RAB3GAP2: variants seen among roughly 807,000 people sequenced by gnomAD.
The protein encoded by RAB3GAP2 is rab3 GTPase-activating protein non-catalytic subunit.
RAB3GAP2 carries 87 observed loss-of-function variants against 185.3 expected under a neutral mutation model. The observed-to-expected ratio is 0.47, with a 90% CI of 0.39 to 0.56. The LOEUF is 0.56. Ranked by LOEUF, RAB3GAP2 falls within the 20% of genes least tolerant of loss-of-function variation. The pLI, the probability that RAB3GAP2 is intolerant of heterozygous loss-of-function variation, is 0.00. For synonymous variants in RAB3GAP2, 554 were observed against 576.1 expected (o/e 0.96, Z 0.55); for missense variants, 1,492 against 1,638.2 (o/e 0.91, Z 1.54).
At chr1:220,165,797 T>C (rs534246669) in intron 26 of RAB3GAP2, among the ~76,000 whole-genome samples, 3 of 152,336 alleles carry the variant, frequency 2.0e-5, no homozygotes, top group African/African-American at 4.8e-5. Context: ...GCCCTCATTT[T>C]AGGAGAACAT....
intron 17 of RAB3GAP2, among the ~76,000 whole-genome samples, chr1:220,187,284 G>A (rs1011804845): frequency 3.9e-5 from 6 of 152,188 alleles, no homozygotes; most frequent in Non-Finnish European, 7.3e-5. Flanking sequence ...TAGTTCATCA[G>A]TCAGAGCTCT....
chr1:220,245,728 C>G (rs1317492022), intron 1 of RAB3GAP2, among the ~76,000 whole-genome samples: 5 of 152,070 alleles, frequency 3.3e-5, no homozygotes, highest in Non-Finnish European at 5.9e-5. Flanking sequence ...CACAGACAAA[C>G]AAAAAGACAG....
intron 7 of RAB3GAP2, chr1:220,208,068 CAA>C (rs1333813214): frequency 6.6e-6 from 1 of 152,104 alleles, no homozygotes; most frequent in Non-Finnish European, 1.5e-5. Flanking sequence ...AGAGTAACAA[CAA>C]AGACTTCCTT....
intron 1 of RAB3GAP2, among the ~76,000 whole-genome samples, chr1:220,265,237 T>G (rs926026909): frequency 2.6e-5 from 4 of 152,150 alleles, no homozygotes; most frequent in African/African-American, 9.6e-5. Context: ...AGTGATTCTA[T>G]GATTTTAGGT....
In RAB3GAP2 at chr1:220,169,108, C is replaced by A. The variant is rs189930979; in HGVS notation, c.2807-1433G>T. Among the ~76,000 whole-genome samples the A allele has an allele frequency of 3.3e-5, 5 of 152,248 alleles. No homozygotes were observed. In the East Asian group the frequency reaches 9.7e-4, roughly 29 times the overall value. On this transcript the variant is annotated intron_variant, in intron 24 of 34. Transcript: ENST00000358951. ...GCTTAGGTTAATATTCAAATGGCAT[C>A]CTTACCCTTTCACTAGGTGGCAACA...
chr1:220,230,726 T>C (rs923440452), intron 2 of RAB3GAP2, among the ~76,000 whole-genome samples: 5 of 152,218 alleles, frequency 3.3e-5, no homozygotes, highest in Non-Finnish European at 5.9e-5. Flanking sequence ...CTTCTTATTA[T>C]GGATATTTAA....
Position 220,168,914 on chromosome 1 carries a change from C to T in RAB3GAP2, c.2807-1239G>A, listed in dbSNP as rs528481438. Among the ~76,000 whole-genome samples the T allele has an allele frequency of 2.8e-4, 42 of 152,302 alleles. 2 individuals carry two copies. The South Asian group carries it at 8.5e-3, about 31-fold the overall frequency. On this transcript the variant is annotated intron_variant, in intron 24 of 34. Coordinates refer to ENST00000358951, the MANE Select transcript of RAB3GAP2 (RefSeq NM_012414.4). Reference sequence around the variant, plus strand: ...TACCAAAACTTTCTCAGTCTTTCCTCATCTTTTGATTCAAATAAAAACCTT... The same window carrying T: ...TACCAAAACTTTCTCAGTCTTTCCTTATCTTTTGATTCAAATAAAAACCTT...
At position 220,157,299 on chromosome 1, in the gene RAB3GAP2, C is replaced by T. The variant is rs754940777; in HGVS notation, c.3526G>A (p.Val1176Met). 9.9e-6 allele frequency: 16 copies of T among 1,613,878 alleles called. No homozygotes were observed. The highest frequency in any genetic ancestry group is 4.4e-5 in the South Asian group (4 of 91,064). Residue 1176 changes from valine (V) to methionine (M), a missense_variant, in exon 31 of 35, where the codon GTG becomes ATG. Physicochemically the swap from Val to Met is conservative, Grantham distance 21 (BLOSUM62 1). This residue lies in a region of RAB3GAP2 where 387 missense variants were observed against 455.3 expected (regional missense o/e 0.85). Transcript: ENST00000358951. Reference protein sequence around the residue: ...YAVMRFSLKTVKPLSLFDSKG... With the variant: ...YAVMRFSLKTMKPLSLFDSKG... ...CTGTCAAAAAGTGAAAGTGGCTTCA[C>T]GGTCTTCAGAGAAAACCTCATGACT...
At chr1:220,159,558 A>T in intron 28 of RAB3GAP2, 137 bp from the exon 29 acceptor site, 1 of 657,646 alleles carries the variant, frequency 1.5e-6, no homozygotes, top group Non-Finnish European at 2.7e-6. Context: ...CTCATTAATT[A>T]GCTGTTGGCT....
intron 1 of RAB3GAP2, among the ~76,000 whole-genome samples, chr1:220,258,815 A>G (rs1029471340): frequency 2.0e-5 from 3 of 152,214 alleles, no homozygotes; most frequent in African/African-American, 7.2e-5. Context: ...TGCAGAGGAT[A>G]TGATCCTATA....
At chr1:220,254,052 T>C in intron 1 of RAB3GAP2, 2 of 1,613,984 alleles carry the variant, frequency 1.2e-6, no homozygotes, top group South Asian at 2.2e-5. Context: ...TAAAGATTCC[T>C]GAATAGCTAA....
chr1:220,214,978 T>C, intron 2 of RAB3GAP2, among the ~76,000 whole-genome samples: 1 of 48,340 alleles, frequency 2.1e-5, no homozygotes, highest in Non-Finnish European at 4.2e-5. Flanking sequence ...ATATATATAC[T>C]TCTATACTTT....
intron 1 of RAB3GAP2, among the ~76,000 whole-genome samples, chr1:220,249,356 G>T (rs535786665): frequency 6.6e-6 from 1 of 152,218 alleles, no homozygotes; most frequent in Non-Finnish European, 1.5e-5. Flanking sequence ...GGGAACTGGA[G>T]AAAAGGTCAC....
intron 18 of RAB3GAP2, among the ~76,000 whole-genome samples, chr1:220,185,068 C>A (rs180833813): frequency 9.9e-5 from 15 of 152,214 alleles, no homozygotes; most frequent in African/African-American, 3.6e-4. Flanking sequence ...TAGATGACAT[C>A]AGTCCACTGC....
chr1:220,252,647 C>T (rs1239825723), intron 1 of RAB3GAP2, among the ~76,000 whole-genome samples: 2 of 152,226 alleles, frequency 1.3e-5, no homozygotes, highest in African/African-American at 4.8e-5. Flanking sequence ...AGTAATTGTG[C>T]TACCCTACCT....
At chr1:220,175,472 C>T (rs1027984717) in intron 21 of RAB3GAP2, among the ~76,000 whole-genome samples, 2 of 152,142 alleles carry the variant, frequency 1.3e-5, no homozygotes, top group Non-Finnish European at 2.9e-5. Flanking sequence ...CCGCCTTGGC[C>T]TCCCAAAGTG....
chr1:220,216,553 C>T (rs1221567963), intron 2 of RAB3GAP2, among the ~76,000 whole-genome samples: 2 of 152,130 alleles, frequency 1.3e-5, no homozygotes, highest in Non-Finnish European at 2.9e-5. Flanking sequence ...GGCACAGGAC[C>T]TTCTAAGTGA....
In RAB3GAP2 at chr1:220,182,744, A is replaced by C. The variant is rs779591638; in HGVS notation, c.2186T>G (p.Ile729Arg). ...YEKDVLNIKKISEEEYVALGS... is the reference protein window; with the variant it reads ...YEKDVLNIKKRSEEEYVALGS... ...TAAAGCCACATATTCCTCTTCACTTATTTTCTTTATGTTGAGCACATCCTT... is the reference window on the plus strand; with the variant it reads ...TAAAGCCACATATTCCTCTTCACTTCTTTTCTTTATGTTGAGCACATCCTT... The change falls in exon 20 of 35, where the codon ATA (isoleucine) becomes AGA (arginine). Residue 729 changes from isoleucine (I) to arginine (R), a missense_variant. Transcript: ENST00000358951. 3.1e-6 allele frequency: 5 copies of C among 1,606,406 alleles called. No homozygotes were observed. Among genetic ancestry groups the C allele is most frequent in the Non-Finnish European group, 4.2e-6 (5 of 1,177,736 alleles).
intron 1 of RAB3GAP2, among the ~76,000 whole-genome samples, chr1:220,263,599 T>C (rs750089732): frequency 6.6e-5 from 10 of 152,094 alleles, no homozygotes; most frequent in East Asian, 1.9e-4. Context: ...ATCTTGACCA[T>C]GTATGTGAGG....
Sources: gnomAD v4.1 joint callset for allele counts (sites outside exome capture counted in the v4.1 genomes callset) on GRCh38, gnomAD v4.1.1 for gene constraint, gnomAD v4.1.1 regional missense constraint, MANE v1.5 for transcripts, NCBI Gene and HGNC (gene_info 2026-07-23, HGNC 2026-07-21) for gene names.